TMIGD3: variants seen among roughly 807,000 people sequenced by gnomAD.
TMIGD3 encodes AD026 protein (AD026).
Under a neutral mutation model 28.1 loss-of-function variants are expected in TMIGD3, and 21 were observed. The ratio of observed to expected loss-of-function variants is 0.75; its 90% CI spans 0.53 to 1.08. TMIGD3 has a LOEUF of 1.08. Among genes scored for constraint, TMIGD3 ranks in the 50% least tolerant of loss-of-function variants. TMIGD3 has a pLI of 0.00. For synonymous variants in TMIGD3, 151 were observed against 162.1 expected, an observed-to-expected ratio of 0.93 and a Z score of 0.52; for missense variants, 416 against 435.6, an observed-to-expected ratio of 0.96 and a Z score of 0.40.
intron 1 of TMIGD3, among the ~76,000 whole-genome samples, chr1:111,491,613 G>GC (rs1654668980): frequency 6.6e-6 from 1 of 152,220 alleles, no homozygotes; most frequent in Non-Finnish European, 1.5e-5. Flanking sequence ...ATGTGGGCAA[G>GC]CAGCAAGCCT....
At chr1:111,495,854 G>C (rs1654864481) in intron 1 of TMIGD3, among the ~76,000 whole-genome samples, 1 of 152,218 alleles carries the variant, frequency 6.6e-6, no homozygotes, top group Non-Finnish European at 1.5e-5. Context: ...GTCCTTTGCA[G>C]GAACATAGAT....
At chr1:111,559,087 A>C in intron 1 of TMIGD3, among the ~76,000 whole-genome samples, 1 of 152,310 alleles carries the variant, frequency 6.6e-6, no homozygotes, top group East Asian at 1.9e-4. Flanking sequence ...AAAAACATGT[A>C]TTTAAACTTC....
intron 4 of TMIGD3, 26 bp from the exon 5 acceptor site, chr1:111,485,866 T>G (rs866305446): frequency 6.4e-7 from 1 of 1,572,996 alleles, no homozygotes; most frequent in Middle Eastern, 1.7e-4. Flanking sequence ...GCAGATTTCA[T>G]GTTGCTTGGA....
chr1:111,500,092 TG>T (rs1655086305), intron 1 of TMIGD3: 2 of 1,614,120 alleles, frequency 1.2e-6, no homozygotes, highest in South Asian at 1.1e-5. Flanking sequence ...GGAGTTGGCA[TG>T]GGACAGCAGG....
chr1:111,541,340 C>T (rs1656814944), intron 1 of TMIGD3, among the ~76,000 whole-genome samples: 1 of 152,148 alleles, frequency 6.6e-6, no homozygotes, highest in Non-Finnish European at 1.5e-5. Context: ...ATGATGAGCT[C>T]TGGGCTTTAC....
At chr1:111,510,883 G>T (rs1202927959) in intron 1 of TMIGD3, among the ~76,000 whole-genome samples, 1 of 152,084 alleles carries the variant, frequency 6.6e-6, no homozygotes. Context: ...CATTTTCGAT[G>T]ATCAATTTTG....
intron 1 of TMIGD3, chr1:111,500,250 AC>A (rs1401646862): frequency 5.6e-6 from 9 of 1,614,080 alleles, no homozygotes; most frequent in Non-Finnish European, 6.8e-6. Flanking sequence ...CATAAAATGC[AC>A]CTGTCTCTTT....
chr1:111,539,072 AT>A (rs1246566751), intron 1 of TMIGD3, among the ~76,000 whole-genome samples: 2 of 151,888 alleles, frequency 1.3e-5, no homozygotes, highest in East Asian at 3.8e-4. Flanking sequence ...ACCTAGGTTT[AT>A]TTTTTTTAAC....
intron 1 of TMIGD3, among the ~76,000 whole-genome samples, chr1:111,546,951 T>C (rs1439319154): frequency 6.6e-6 from 1 of 152,214 alleles, no homozygotes; most frequent in Non-Finnish European, 1.5e-5. Context: ...TGTTTTGTTT[T>C]GTTTTGGTTT....
intron 1 of TMIGD3, among the ~76,000 whole-genome samples, chr1:111,547,162 T>C (rs1657062159): frequency 6.6e-6 from 1 of 152,010 alleles, no homozygotes; most frequent in Non-Finnish European, 1.5e-5. Context: ...AGTAATTTTC[T>C]TTTTTTTCAT....
intron 5 of TMIGD3, 102 bp downstream of exon 5, chr1:111,485,638 C>T (rs1411752960): frequency 1.1e-5 from 10 of 901,368 alleles, no homozygotes; most frequent in African/African-American, 1.7e-5. Context: ...GGTGACCAGG[C>T]AATATGAAGA....
chr1:111,497,389 C>A (rs1047043823), intron 1 of TMIGD3, among the ~76,000 whole-genome samples: 21 of 152,342 alleles, frequency 1.4e-4, no homozygotes, highest in Non-Finnish European at 7.3e-5. Context: ...GGATTACAGG[C>A]ATGAGCCACT....
intron 1 of TMIGD3, among the ~76,000 whole-genome samples, chr1:111,554,912 T>G (rs1657418388): frequency 6.6e-6 from 1 of 151,676 alleles, no homozygotes; most frequent in Non-Finnish European, 1.5e-5. Context: ...CAAAATTCCC[T>G]GAGTAAGGGA....
At chr1:111,525,837 C>T (rs1052591481) in intron 1 of TMIGD3, among the ~76,000 whole-genome samples, 1 of 152,152 alleles carries the variant, frequency 6.6e-6, no homozygotes, top group Non-Finnish European at 1.5e-5. Context: ...GCACTCCAGC[C>T]TGAGAGACAG....
chr1:111,506,179 T>C (rs952444446), upstream of TMIGD3, among the ~76,000 whole-genome samples: 3 of 152,218 alleles, frequency 2.0e-5, no homozygotes, highest in Non-Finnish European at 4.4e-5. Context: ...AGCCTGTAAG[T>C]TCCTGGAGGA....
rs779804357 is a variant in TMIGD3, at chr1:111,503,016, C to T, written c.339G>A (p.Lys113=). 1 of 1,613,936 alleles carries T rather than the reference C, an allele frequency of 6.2e-7. No homozygotes were observed. The stretch of plus-strand genomic sequence containing the variant: ...ACGCCGCAGGCTACCTGACGGTAAG[C>T]TTGACCCGCAAGTATCGGTCCACAG... ...AIAVDRYLRV[K]LTVRFRIPGL... The change falls in exon 1 of 6, where the codon AAG becomes AAA. Residue 113 remains lysine (K), a synonymous_variant. Transcript: ENST00000369716.
intron 1 of TMIGD3, among the ~76,000 whole-genome samples, chr1:111,539,765 G>A (rs1656755497): frequency 6.6e-6 from 1 of 152,170 alleles, no homozygotes; most frequent in Non-Finnish European, 1.5e-5. Flanking sequence ...TATGTTTGAG[G>A]CAGCTTATTC....
At chr1:111,528,993 C>A (rs1281768141) in intron 1 of TMIGD3, among the ~76,000 whole-genome samples, 2 of 151,932 alleles carry the variant, frequency 1.3e-5, no homozygotes, top group Non-Finnish European at 2.9e-5. Context: ...CATCTGTGTA[C>A]CTTTTTTTCT....
intron 5 of TMIGD3, chr1:111,485,528 C>A (rs1654319874): frequency 4.1e-6 from 2 of 485,348 alleles, no homozygotes; most frequent in Admixed American, 3.8e-5. Flanking sequence ...CATGTATCCA[C>A]TTAAGAAAGC....
Sources: gnomAD v4.1 joint callset for allele counts (sites outside exome capture counted in the v4.1 genomes callset) on GRCh38, gnomAD v4.1.1 for gene constraint, MANE v1.5 for transcripts, NCBI Gene and HGNC (gene_info 2026-07-23, HGNC 2026-07-21) for gene names.